FAXDC2: variants seen among roughly 807,000 people sequenced by gnomAD.
FAXDC2 encodes the protein fatty acid hydroxylase domain-containing protein 2.
FAXDC2 carries 41 observed loss-of-function variants against 40.9 expected under a neutral mutation model. The ratio of observed to expected loss-of-function variants is 1.00; its 90% CI spans 0.78 to 1.30. The LOEUF is 1.30. Among genes scored for constraint, FAXDC2 ranks in the 50% most tolerant of loss-of-function variants. FAXDC2 has a pLI of 0.00. For synonymous variants in FAXDC2, 157 were observed against 149.3 expected (o/e 1.05, Z -0.38); for missense variants, 390 against 408.8 (o/e 0.95, Z 0.40).
intron 1 of FAXDC2, among the ~76,000 whole-genome samples, chr5:154,848,060 T>C (rs192732408): frequency 1.2e-3 from 175 of 152,112 alleles, no homozygotes; most frequent in Admixed American, 7.3e-3. Flanking sequence ...AGGATGGTCT[T>C]GATCTTCTGA....
chr5:154,830,977 G>GA (rs1760174785), intron 4 of FAXDC2, 55 bp from the exon 5 acceptor site: 7 of 1,598,084 alleles, frequency 4.4e-6, no homozygotes, highest in Non-Finnish European at 6.0e-6. Context: ...ACAGCACATA[G>GA]ACTAACAGAA....
intron 5 of FAXDC2, 181 bp from the exon 6 acceptor site, chr5:154,823,773 G>T (rs570362480): frequency 8.4e-6 from 5 of 594,564 alleles, no homozygotes; most frequent in Non-Finnish European, 1.5e-5. Flanking sequence ...GGCCCTGGCT[G>T]CTAGGCAGGT....
intron 5 of FAXDC2, among the ~76,000 whole-genome samples, chr5:154,827,103 G>A (rs1000338086): frequency 6.6e-6 from 1 of 152,000 alleles, no homozygotes; most frequent in East Asian, 1.9e-4. Flanking sequence ...CCAGGAGTTC[G>A]AGACCAGCCT....
intron 2 of FAXDC2, among the ~76,000 whole-genome samples, chr5:154,837,609 AC>A (rs141784960): frequency 0.05 from 7,549 of 151,960 alleles, 315 homozygotes; most frequent in African/African-American, 0.12. Context: ...TCAAATTAAA[AC>A]CTCAGTTTCA....
At position 154,830,907 on chromosome 5, in the gene FAXDC2, G is replaced by A. The variant is rs1240207190; in HGVS notation, c.260C>T (p.Pro87Leu). 1.2e-6 allele frequency: 2 copies of A among 1,614,070 alleles called. No homozygotes were observed. The highest frequency in any genetic ancestry group is 4.5e-5 in the East Asian group (2 of 44,886). ...ATTGAAGCTCCAGAAGAAGAGACAA[G>A]GCACTTGGATGGCACCTGAGATTGG... ...ILFFIGAIQV[P>L]CLFFWSFNGL... Residue 87 changes from proline to leucine, a missense_variant, in exon 5 of 9, where the codon CCT (proline) becomes CTT (leucine). Transcript: ENST00000326080.
intron 5 of FAXDC2, among the ~76,000 whole-genome samples, chr5:154,826,590 G>C (rs1476132327): frequency 6.6e-6 from 1 of 151,754 alleles, no homozygotes; most frequent in East Asian, 1.9e-4. Context: ...AGGGTGTCCT[G>C]GAAGCCAAGT....
Position 154,832,112 on chromosome 5 carries a change from A to C in FAXDC2, c.245-1190T>G, listed in dbSNP as rs563816418. On this transcript the variant is annotated intron_variant, in intron 4 of 8. Coordinates refer to ENST00000326080, the MANE Select transcript of FAXDC2 (RefSeq NM_032385.5). Reference sequence around the variant, plus strand: ...AAAAGATGCACACTAATATATAAACAGTGGTTATTTCTTGAAGGTAAGACA... The same window carrying C: ...AAAAGATGCACACTAATATATAAACCGTGGTTATTTCTTGAAGGTAAGACA... Among the ~76,000 whole-genome samples the C allele has an allele frequency of 2.6e-5, 4 of 152,300 alleles. No homozygotes were observed. In the South Asian group the frequency reaches 8.3e-4, roughly 32 times the overall value.
intron 4 of FAXDC2, among the ~76,000 whole-genome samples, chr5:154,833,274 T>A (rs1760237928): frequency 6.6e-6 from 1 of 151,930 alleles, no homozygotes; most frequent in Non-Finnish European, 1.5e-5. Flanking sequence ...TGGCCTCAAG[T>A]GATCTGCCTG....
In FAXDC2 at chr5:154,823,581, C is replaced by T. The variant is rs1759942815; in HGVS notation, c.378G>A (p.Val126=). ...QVGKNEPVDP[V]KLRQSIRTVL... is the part of the protein sequence containing the mutation. ...CTGTGCGGATAGACTGGCGCAGTTT[C>T]ACAGGATCCACCTGCCCAAGGGAAG... The change falls in exon 6 of 9, where the codon GTG becomes GTA. Residue 126 remains valine, a synonymous_variant. Coordinates refer to ENST00000326080, the MANE Select transcript of FAXDC2 (RefSeq NM_032385.5). The T allele has an allele frequency of 6.2e-7, 1 of 1,613,940 alleles. No individual in the cohort carries two copies. Among genetic ancestry groups the T allele is most frequent in the African/African-American group, 1.3e-5 (1 of 75,022 alleles).
rs1759814787 is a variant in FAXDC2 at position 154,819,280 on chromosome 5, G to C, written c.*1036C>G. The C allele has an allele frequency of 6.6e-6, 1 of 152,160 alleles. No individual in the cohort carries two copies. Among genetic ancestry groups the C allele is most frequent in the African/African-American group, 2.4e-5 (1 of 41,452 alleles). 9.4% of individuals were successfully genotyped at this position (152,160 alleles called of 1,614,324 possible). A position where few individuals can be genotyped will look rare whatever the true frequency, so the allele number is the denominator to read the frequency against. The stretch of plus-strand genomic sequence containing the variant: ...GGCGGCTGAGAGGAGGCCAGGATGG[G>C]GACTTCAACCCAAGCAGCTGTGGTT... On this transcript the variant is annotated 3_prime_UTR_variant, in exon 9 of 9. Coordinates refer to ENST00000326080, the MANE Select transcript of FAXDC2 (RefSeq NM_032385.5).
chr5:154,842,880 G>T lies in FAXDC2; in HGVS notation c.1-4702C>A, dbSNP rs150434865. Among the ~76,000 whole-genome samples the T allele has an allele frequency of 6.2e-3, 936 of 150,552 alleles. 9 individuals are homozygous for T. Among genetic ancestry groups the T allele is most frequent in the African/African-American group, 0.02 (815 of 40,886 alleles). On this transcript the variant is annotated intron_variant, in intron 1 of 8. Transcript: ENST00000326080. ...TATAGGGTCTTGCTATATTGCTGAG[G>T]CTGGTCTCTAACTCCTGGGTCTTAT...
At chr5:154,826,279 G>A (rs897749816) in intron 5 of FAXDC2, among the ~76,000 whole-genome samples, 7 of 152,080 alleles carry the variant, frequency 4.6e-5, no homozygotes, top group South Asian at 2.1e-4. Flanking sequence ...TGTAATCCCA[G>A]CAGTTTGTGA....
intron 2 of FAXDC2, among the ~76,000 whole-genome samples, chr5:154,837,772 T>C (rs1351775209): frequency 3.9e-5 from 6 of 152,158 alleles, no homozygotes; most frequent in Non-Finnish European, 7.4e-5. Context: ...AGTTCTCAGC[T>C]ACCTCCAGAA....
At position 154,820,446 on chromosome 5, in the gene FAXDC2, C is replaced by A; in HGVS notation, c.872G>T (p.Gly291Val). The A allele has an allele frequency of 6.2e-7, 1 of 1,612,784 alleles. No individual in the cohort carries two copies. Among genetic ancestry groups the A allele is most frequent in the Non-Finnish European group, 8.5e-7 (1 of 1,179,480 alleles). ...AGTCCCATGGAGGTGGTCCAGCACA[C>A]CCAGCACCCCATAGCACTGGTTGAA... ...LKFNQCYGVL[G>V]VLDHLHGTDT... Residue 291 changes from glycine (G) to valine (V), a missense_variant, in exon 9 of 9, where the codon GGT becomes GTT. Transcript: ENST00000326080.
intron 1 of FAXDC2, among the ~76,000 whole-genome samples, chr5:154,846,612 T>C (rs2113173653): frequency 6.6e-6 from 1 of 152,206 alleles, no homozygotes; most frequent in African/African-American, 2.4e-5. Context: ...CTCAAACTCC[T>C]GGGCTCAAGT....
Position 154,822,576 on chromosome 5 carries a change from G to T in FAXDC2, c.574C>A (p.Leu192Ile). The T allele has an allele frequency of 6.2e-7, 1 of 1,612,080 alleles. No homozygotes were observed. The highest frequency in any genetic ancestry group is 8.5e-7 in the Non-Finnish European group (1 of 1,178,136). The change falls in exon 7 of 9, where the codon CTC becomes ATC. Residue 192 changes from leucine (L) to isoleucine (I), a missense_variant and splice_region_variant. By Grantham distance (5) the Leu-to-Ile change is conservative. Transcript: ENST00000326080. ...EEVLFYYSHR[L>I]LHHPTFYKKI... is the part of the protein sequence containing the mutation. ...TTGTAGAATGTTGGGTGGTGAAGGA[G>T]CCTGGGGAAATAGTTAATAGTTAAT...
intron 5 of FAXDC2, among the ~76,000 whole-genome samples, chr5:154,825,468 C>T (rs1186867950): frequency 6.6e-6 from 1 of 151,184 alleles, no homozygotes; most frequent in Non-Finnish European, 1.5e-5. Flanking sequence ...ACCAGCCTGA[C>T]CAATACGGTG....
intron 4 of FAXDC2, 51 bp from the exon 5 acceptor site, chr5:154,830,973 C>G (rs376485460): frequency 1.9e-6 from 3 of 1,602,870 alleles, no homozygotes; most frequent in Middle Eastern, 1.7e-4. Flanking sequence ...TCTCACAGCA[C>G]ATAGACTAAC....
intron 7 of FAXDC2, 39 bp downstream of exon 7, chr5:154,822,433 A>G (rs1456417878): frequency 6.7e-7 from 1 of 1,484,484 alleles, no homozygotes; most frequent in Non-Finnish European, 9.4e-7. Context: ...GGTTGGGGCC[A>G]TCTGCCCTTT....
Sources: gnomAD v4.1 joint callset for allele counts (sites outside exome capture counted in the v4.1 genomes callset) on GRCh38, gnomAD v4.1.1 for gene constraint, MANE v1.5 for transcripts, NCBI Gene and HGNC (gene_info 2026-07-23, HGNC 2026-07-21) for gene names.